The following SRGAP3 variants were observed in gnomAD, a reference collection of about 807,000 sequenced individuals.
SRGAP3 encodes SLIT-ROBO Rho GTPase-activating protein 3.
A neutral mutation model predicts 121.1 loss-of-function variants in SRGAP3; 39 were observed. The ratio of observed to expected loss-of-function variants is 0.32; its 90% CI spans 0.25 to 0.42. The LOEUF (loss-of-function observed/expected upper bound fraction) is 0.42. Among genes scored for constraint, SRGAP3 ranks in the 10% least tolerant of loss-of-function variants. The probability of loss-of-function intolerance (pLI) is 1.00; values close to 1 mark genes in which losing one functional copy is unlikely to be tolerated. For synonymous variants in SRGAP3, 601 were observed against 570.0 expected (o/e 1.05, Z -0.77); for missense variants, 1,213 against 1,470.6 (o/e 0.82, Z 2.86).
intron 1 of SRGAP3, among the ~76,000 whole-genome samples, chr3:9,156,443 C>T (rs1950419397): frequency 6.6e-6 from 1 of 152,214 alleles, no homozygotes; most frequent in Non-Finnish European, 1.5e-5. Context: ...ATATTGGGGA[C>T]ATTGCAGGTC....
intron 3 of SRGAP3, among the ~76,000 whole-genome samples, chr3:9,100,162 C>A (rs1391725300): frequency 6.6e-6 from 1 of 152,202 alleles, no homozygotes; most frequent in Non-Finnish European, 1.5e-5. Context: ...TACGTCAGAG[C>A]CAAACTCAGT....
In SRGAP3 at chr3:9,047,575, A is replaced by T. The variant is rs1452038341; in HGVS notation, c.1324-100T>A. The T allele has an allele frequency of 9.6e-6, 11 of 1,141,076 alleles. No homozygotes were observed. The East Asian group carries it at 2.2e-4, about 23-fold the overall frequency. 70.7% of individuals were successfully genotyped at this position (1,141,076 alleles called of 1,614,324 possible). ...TCTGGGACACGGAAGCCGAACAGAG[A>T]TCACGTCACCCGCAGGGACCCCGGC... On this transcript the variant is annotated intron_variant, in intron 9 of 21. Coordinates refer to ENST00000383836, the MANE Select transcript of SRGAP3 (RefSeq NM_014850.4).
chr3:9,282,338 T>A (rs188037868), intron 3 of SRGAP3, among the ~76,000 whole-genome samples: 131 of 152,350 alleles, frequency 8.6e-4, no homozygotes, highest in African/African-American at 2.9e-3. Flanking sequence ...AATATAAGTA[T>A]CTTCCAAAAT....
intron 3 of SRGAP3, among the ~76,000 whole-genome samples, chr3:9,272,937 G>A (rs1284541890): frequency 6.6e-6 from 1 of 152,106 alleles, no homozygotes; most frequent in Non-Finnish European, 1.5e-5. Flanking sequence ...GCAGGGGAGT[G>A]TCTATTTGTT....
At chr3:9,272,694 T>A (rs1375416156) in intron 3 of SRGAP3, among the ~76,000 whole-genome samples, 2 of 152,242 alleles carry the variant, frequency 1.3e-5, no homozygotes, top group Non-Finnish European at 2.9e-5. Context: ...TTGGCTATTA[T>A]GAGTAATACT....
intron 18 of SRGAP3, among the ~76,000 whole-genome samples, chr3:8,995,595 T>C (rs1942352202): frequency 6.6e-6 from 1 of 152,196 alleles, no homozygotes; most frequent in Admixed American, 6.5e-5. Context: ...ATTTGGCCTA[T>C]GGGATGCGTC....
intron 3 of SRGAP3, among the ~76,000 whole-genome samples, chr3:9,310,891 C>T (rs1955229629): frequency 6.6e-6 from 1 of 152,054 alleles, no homozygotes; most frequent in Admixed American, 6.6e-5. Context: ...TACAGTCGGC[C>T]AGGTGCTGTG....
chr3:9,248,836 GA>G, intron 1 of SRGAP3, 48 bp downstream of exon 1: 1 of 1,594,692 alleles, frequency 6.3e-7, no homozygotes, highest in Non-Finnish European at 8.6e-7. Context: ...CAGAACAAGA[GA>G]AAAACGAAAG....
At chr3:9,069,537 T>C (rs1162395) in intron 4 of SRGAP3, among the ~76,000 whole-genome samples, 98,199 of 152,076 alleles carry the variant, frequency 0.65, 33,097 homozygotes, top group Non-Finnish European at 0.74. Flanking sequence ...TTCGTAGGGA[T>C]GTGTCAGTTA....
At chr3:9,306,220 A>C (rs2125276678) in intron 3 of SRGAP3, among the ~76,000 whole-genome samples, 1 of 152,296 alleles carries the variant, frequency 6.6e-6, no homozygotes, top group East Asian at 1.9e-4. Flanking sequence ...TCTTTTGAGA[A>C]GCGTCTGTTC....
At chr3:9,154,788 C>G (rs549760318) in intron 1 of SRGAP3, among the ~76,000 whole-genome samples, 6 of 152,176 alleles carry the variant, frequency 3.9e-5, no homozygotes, top group Non-Finnish European at 7.4e-5. Context: ...CTTGAAAAAA[C>G]CAGTGATCTA....
chr3:9,183,327 C>T (rs1442670437), intron 1 of SRGAP3, among the ~76,000 whole-genome samples: 2 of 152,154 alleles, frequency 1.3e-5, no homozygotes, highest in African/African-American at 2.4e-5. Context: ...ATCCCTCTCC[C>T]TTGAAAGCAG....
At chr3:9,039,775 A>G (rs1165763778) in intron 10 of SRGAP3, among the ~76,000 whole-genome samples, 1 of 152,200 alleles carries the variant, frequency 6.6e-6, no homozygotes, top group Non-Finnish European at 1.5e-5. Flanking sequence ...ACTTAGCATA[A>G]AGCTTTTGAG....
intron 18 of SRGAP3, among the ~76,000 whole-genome samples, chr3:9,001,614 A>G (rs2124983322): frequency 6.6e-6 from 1 of 152,350 alleles, no homozygotes; most frequent in East Asian, 1.9e-4. Context: ...GAATGGATTA[A>G]ACAATCCAAT....
At chr3:9,212,202 G>A (rs1455550800) in intron 1 of SRGAP3, among the ~76,000 whole-genome samples, 2 of 152,174 alleles carry the variant, frequency 1.3e-5, no homozygotes, top group East Asian at 3.9e-4. Context: ...CTGCTCCCAA[G>A]TAGAGGATGA....
chr3:9,145,920 G>A (rs550960250), intron 1 of SRGAP3, among the ~76,000 whole-genome samples: 103 of 152,308 alleles, frequency 6.8e-4, no homozygotes, highest in African/African-American at 2.4e-3. Context: ...CTGGCGAGGG[G>A]TTCAACAAGG....
chr3:9,053,002 G>C (rs749060058), intron 9 of SRGAP3, 25 bp downstream of exon 9: 1 of 1,612,100 alleles, frequency 6.2e-7, no homozygotes, highest in Admixed American at 1.7e-5. Context: ...CGACAGTGTG[G>C]TTCTGGGCCC....
chr3:9,050,293 G>A (rs1353288020), intron 9 of SRGAP3, among the ~76,000 whole-genome samples: 1 of 152,208 alleles, frequency 6.6e-6, no homozygotes, highest in African/African-American at 2.4e-5. Flanking sequence ...CAGAGCTGAG[G>A]GGTAAGCTGA....
intron 18 of SRGAP3, chr3:9,007,865 C>T (rs934213048): frequency 5.9e-5 from 9 of 152,168 alleles, no homozygotes; most frequent in African/African-American, 2.2e-4. Flanking sequence ...GTCTCTGCAG[C>T]TCACTATTCT....
Sources: allele counts gnomAD v4.1 joint callset (sites outside exome capture counted in the v4.1 genomes callset), GRCh38; gene constraint gnomAD v4.1.1; transcripts MANE v1.5; gene names NCBI Gene and HGNC (gene_info 2026-07-23, HGNC 2026-07-21).